CMIP: variants seen among roughly 807,000 people sequenced by gnomAD.
The protein encoded by CMIP is c-Maf inducing protein.
Under a neutral mutation model 97.3 loss-of-function variants are expected in CMIP, and 13 were observed. The observed-to-expected ratio is 0.13, with a 90% CI of 0.09 to 0.21. The LOEUF (loss-of-function observed/expected upper bound fraction) is 0.21. Ranked by LOEUF, CMIP falls within the 10% of genes least tolerant of loss-of-function variation. The pLI is 1.00. For synonymous variants in CMIP, 538 were observed against 436.3 expected, an observed-to-expected ratio of 1.23 and a Z score of -2.91; for missense variants, 847 against 1,024.9, an observed-to-expected ratio of 0.83 and a Z score of 2.37.
intron 9 of CMIP, among the ~76,000 whole-genome samples, chr16:81,673,942 A>G (rs1007517928): frequency 6.6e-6 from 1 of 152,222 alleles, no homozygotes; most frequent in African/African-American, 2.4e-5. Context: ...AAATGAAGGC[A>G]GTAGAGCATT....
chr16:81,485,382 C>G (rs543842570), intron 1 of CMIP, among the ~76,000 whole-genome samples: 179 of 152,298 alleles, frequency 1.2e-3, no homozygotes, highest in African/African-American at 4.2e-3. Context: ...TTTCTTTGAG[C>G]TATTTTACAA....
chr16:81,581,482 C>G (rs1191175443), intron 1 of CMIP, among the ~76,000 whole-genome samples: 1 of 152,162 alleles, frequency 6.6e-6, no homozygotes, highest in Non-Finnish European at 1.5e-5. Flanking sequence ...ATTTGTGTGT[C>G]TAAGCATATC....
rs557443545 is a variant in CMIP at position 81,541,001 on chromosome 16, A to G, written c.301-66566A>G. On this transcript the variant is annotated intron_variant, in intron 1 of 20. Coordinates refer to ENST00000537098, the MANE Select transcript of CMIP (RefSeq NM_198390.3). ...GGCCTTTTTTTTTTTTTTAAGTTGCATACTTATCAGTCCGTGGGCTTATTT... is the reference window on the plus strand; with the variant it reads ...GGCCTTTTTTTTTTTTTTAAGTTGCGTACTTATCAGTCCGTGGGCTTATTT... Among the ~76,000 whole-genome samples, 7 of 149,194 alleles carry G rather than the reference A, an allele frequency of 4.7e-5. No individual in the cohort carries two copies. In the East Asian group the frequency reaches 9.8e-4, roughly 21 times the overall value.
intron 1 of CMIP, among the ~76,000 whole-genome samples, chr16:81,475,774 A>C (rs926731385): frequency 6.6e-6 from 1 of 152,172 alleles, no homozygotes; most frequent in Admixed American, 6.5e-5. Flanking sequence ...TCATGAGGTC[A>C]GGAGATCAGG....
At chr16:81,691,488 A>C (rs1489781626) in intron 10 of CMIP, among the ~76,000 whole-genome samples, 1 of 152,202 alleles carries the variant, frequency 6.6e-6, no homozygotes, top group African/African-American at 2.4e-5. Flanking sequence ...GGCATGAACA[A>C]TGATCACGTA....
chr16:81,447,219 A>T (rs1047074465), intron 1 of CMIP, among the ~76,000 whole-genome samples: 2 of 148,530 alleles, frequency 1.3e-5, no homozygotes, highest in East Asian at 2.0e-4. Flanking sequence ...CACCTGGCTC[A>T]GGGGGACTTT....
At chr16:81,629,134 TAAAAAAAAAAAAAAAA>T (rs10533097) in intron 3 of CMIP, among the ~76,000 whole-genome samples, 6 of 45,698 alleles carry the variant, frequency 1.3e-4, no homozygotes, top group East Asian at 9.3e-4. Flanking sequence ...AAACTGTGCT[TAAAAAAAAAAAAAAAA>T]AAAAAAAAAA....
At chr16:81,612,060 C>A (rs996179881) in intron 2 of CMIP, among the ~76,000 whole-genome samples, 1 of 152,210 alleles carries the variant, frequency 6.6e-6, no homozygotes, top group African/African-American at 2.4e-5. Flanking sequence ...TCCATTGATG[C>A]CCTTTCTGCT....
intron 1 of CMIP, among the ~76,000 whole-genome samples, chr16:81,585,152 G>A (rs2091360736): frequency 6.6e-6 from 1 of 152,106 alleles, no homozygotes; most frequent in Admixed American, 6.5e-5. Context: ...GACCAGCCTG[G>A]CCAATATGGC....
intron 1 of CMIP, among the ~76,000 whole-genome samples, chr16:81,577,730 T>C (rs111611226): frequency 6.0e-5 from 8 of 133,722 alleles, no homozygotes; most frequent in Admixed American, 1.5e-4. Flanking sequence ...ACCTTCATCA[T>C]CACCGTCATC....
At chr16:81,669,296 CCT>C (rs535654981) in intron 7 of CMIP, among the ~76,000 whole-genome samples, 16 of 95,598 alleles carry the variant, frequency 1.7e-4, no homozygotes, top group African/African-American at 5.1e-4. Flanking sequence ...TCCACACCCA[CCT>C]CTCACACTCA....
chr16:81,705,713 A>G (rs948576549), intron 19 of CMIP, 109 bp downstream of exon 19: 26 of 668,622 alleles, frequency 3.9e-5, no homozygotes, highest in Non-Finnish European at 6.4e-5. Flanking sequence ...AGATAGAGAA[A>G]TTCGTTCATT....
intron 4 of CMIP, among the ~76,000 whole-genome samples, chr16:81,657,261 C>T (rs2092493887): frequency 6.6e-6 from 1 of 152,164 alleles, no homozygotes. Flanking sequence ...ATCTCGGGCC[C>T]ACTCACGGAA....
In CMIP at chr16:81,693,194, T is replaced by C. The variant is rs753104618; in HGVS notation, c.1481+10T>C. ...ATGAGAAGTTCACCAAGTGAGTGTC[T>C]GGGCACCGCCCTCATTCCATTCTGG... On this transcript the variant is annotated intron_variant, in intron 12 of 20. Transcript: ENST00000537098. 1.9e-6 allele frequency: 3 copies of C among 1,611,186 alleles called. No individual in the cohort carries two copies. The highest frequency in any genetic ancestry group is 2.2e-5 in the East Asian group (1 of 44,860).
intron 1 of CMIP, among the ~76,000 whole-genome samples, chr16:81,561,618 C>T (rs1457051574): frequency 2.0e-5 from 3 of 152,078 alleles, no homozygotes; most frequent in Non-Finnish European, 2.9e-5. Flanking sequence ...ACAATTGCCC[C>T]GGCCTTGAGT....
intron 1 of CMIP, among the ~76,000 whole-genome samples, chr16:81,477,517 C>T (rs1235875024): frequency 6.6e-6 from 1 of 152,224 alleles, no homozygotes; most frequent in Middle Eastern, 3.2e-3. Context: ...CAGGTCCCCT[C>T]CTTTCCCACT....
intron 2 of CMIP, among the ~76,000 whole-genome samples, chr16:81,610,781 C>CT (rs1465779223): frequency 2.0e-5 from 3 of 152,160 alleles, no homozygotes; most frequent in Non-Finnish European, 4.4e-5. Context: ...GTACTCAGGG[C>CT]TTTCTTCAGT....
intron 10 of CMIP, among the ~76,000 whole-genome samples, chr16:81,691,496 G>T (rs1465404701): frequency 6.6e-6 from 1 of 152,174 alleles, no homozygotes. Flanking sequence ...CAATGATCAC[G>T]TAGCCTTGGT....
chr16:81,664,699 A>G, intron 7 of CMIP: 1 of 473,086 alleles, frequency 2.1e-6, no homozygotes, highest in Non-Finnish European at 3.7e-6. Flanking sequence ...TGTGCTGCGC[A>G]CAGCGAGGTC....
Sources: allele counts gnomAD v4.1 joint callset (sites outside exome capture counted in the v4.1 genomes callset), GRCh38; gene constraint gnomAD v4.1.1; transcripts MANE v1.5; gene names NCBI Gene and HGNC (gene_info 2026-07-23, HGNC 2026-07-21).